Variants in KCNQ1 observed in about 807,000 individuals in gnomAD.
The protein encoded by KCNQ1 is potassium voltage-gated channel subfamily KQT member 1.
Under a neutral mutation model 72.4 loss-of-function variants are expected in KCNQ1, and 49 were observed. That is an observed-to-expected ratio of 0.68 (90% CI 0.54 to 0.86). The LOEUF is 0.86. KCNQ1 is among the 40% of genes least tolerant of loss of function. The probability of loss-of-function intolerance (pLI) is 0.00; values close to 1 mark genes in which losing one functional copy is unlikely to be tolerated. For missense variants in KCNQ1, 790 were observed against 945.1 expected (o/e 0.84, Z 2.15); for synonymous variants, 450 against 412.6 (o/e 1.09, Z -1.10).
At position 2,691,537 on chromosome 11, in the gene KCNQ1, G is replaced by A. The variant is rs1359361288; in HGVS notation, c.1514+29456G>A. 3 of 398,556 alleles carry A rather than the reference G, an allele frequency of 7.5e-6. No homozygotes were observed. 24.7% of individuals were successfully genotyped at this position (398,556 alleles called of 1,614,324 possible). On this transcript the variant is annotated intron_variant, in intron 11 of 15. Transcript: ENST00000155840. This position sits in a 1 kb window ranked among gnomAD's most constrained non-coding sequence, Gnocchi z 6.4. ...CTTGGCTTTGCATTAAAGTTGGGGG[G>A]ATTTCTCTATCCTGAGGTTATGAAA...
Position 2,671,792 on chromosome 11 carries a change from G to A in KCNQ1, c.1514+9711G>A. On this transcript the variant is annotated intron_variant, in intron 11 of 15. Coordinates refer to ENST00000155840, the MANE Select transcript of KCNQ1 (RefSeq NM_000218.3). The surrounding 1 kb of genome is among the most constrained non-coding windows in gnomAD (Gnocchi z 4.7). ...ACATAATCATTCTGACCCAGTCAGGGTTCTTCCCCCAAATAAATCCCTGCA... is the reference window on the plus strand; with the variant it reads ...ACATAATCATTCTGACCCAGTCAGGATTCTTCCCCCAAATAAATCCCTGCA... 2.5e-6 allele frequency: 1 copy of A among 398,702 alleles called. No individual in the cohort carries two copies. Among genetic ancestry groups the A allele is most frequent in the Non-Finnish European group, 4.4e-6 (1 of 226,124 alleles). The allele number at this position is 398,702 out of a possible 1,614,324, so 24.7% of individuals were successfully genotyped here. A position where few individuals can be genotyped will look rare whatever the true frequency, so the allele number is the denominator to read the frequency against.
In KCNQ1 at chr11:2,674,575, G is replaced by T. The variant is rs1382454299; in HGVS notation, c.1514+12494G>T. 1 of 398,514 alleles carries T rather than the reference G, an allele frequency of 2.5e-6. No homozygotes were observed. The highest frequency in any genetic ancestry group is 2.1e-5 in the African/African-American group (1 of 48,620). The allele number at this position is 398,514 out of a possible 1,614,324, so 24.7% of individuals were successfully genotyped here. A position where few individuals can be genotyped will look rare whatever the true frequency, so the allele number is the denominator to read the frequency against. On this transcript the variant is annotated intron_variant, in intron 11 of 15. Transcript: ENST00000155840. This position sits in a 1 kb window ranked among gnomAD's most constrained non-coding sequence, Gnocchi z 5.9. ...CCTCGAGTGAGTGAATCTGAAGCAT[G>T]CTAGTTGTGTTGCCTTTTAAATAGG...
At position 2,587,664 on chromosome 11, in the gene KCNQ1, C is replaced by G. The variant is rs1016945188; in HGVS notation, c.1223C>G (p.Pro408Arg). The change falls in exon 9 of 16, where the codon CCC becomes CGC. Residue 408 changes from proline (P) to arginine (R), a missense_variant. This residue lies in a region of KCNQ1 where 178 missense variants were observed against 177.9 expected (regional missense o/e 1.00). Transcript: ENST00000155840. Reference sequence around the variant, plus strand: ...CCCCGGAGCCACACTCTGCTGTCACCCAGCCCCAAACCCAAGAAGTCTGTG... The same window carrying G: ...CCCCGGAGCCACACTCTGCTGTCACGCAGCCCCAAACCCAAGAAGTCTGTG... ...KAPRSHTLLS[P>R]SPKPKKSVVV... 1.2e-6 allele frequency: 2 copies of G among 1,613,910 alleles called. No individual in the cohort carries two copies. Among genetic ancestry groups the G allele is most frequent in the Non-Finnish European group, 1.7e-6 (2 of 1,180,006 alleles).
At position 2,669,333 on chromosome 11, in the gene KCNQ1, C is replaced by T. The variant is rs1338302336; in HGVS notation, c.1514+7252C>T. ...TGCCATGGAAAGCCTCCTCTAGGCG[C>T]AGCAGCCTCTAGATGGGCATGGGAG... is the stretch of plus-strand genomic sequence containing the variant. On this transcript the variant is annotated intron_variant, in intron 11 of 15. Transcript: ENST00000155840. The surrounding 1 kb of genome is among the most constrained non-coding windows in gnomAD (Gnocchi z 5.6). 2.5e-6 allele frequency: 1 copy of T among 398,532 alleles called. No individual in the cohort carries two copies. The highest frequency in any genetic ancestry group is 4.4e-6 in the Non-Finnish European group (1 of 226,082). The allele number at this position is 398,532 out of a possible 1,614,324, so 24.7% of individuals were successfully genotyped here. A position where few individuals can be genotyped will look rare whatever the true frequency, so the allele number is the denominator to read the frequency against.
Position 2,645,273 on chromosome 11 carries a change from G to A in KCNQ1, c.1394-16688G>A, listed in dbSNP as rs185248010. 125 of 398,646 alleles carry A rather than the reference G, an allele frequency of 3.1e-4. No homozygotes were observed. Among genetic ancestry groups the A allele is most frequent in the Non-Finnish European group, 4.6e-4 (104 of 226,230 alleles). The allele number at this position is 398,646 out of a possible 1,614,324, so 24.7% of individuals were successfully genotyped here. A position where few individuals can be genotyped will look rare whatever the true frequency, so the allele number is the denominator to read the frequency against. On this transcript the variant is annotated intron_variant, in intron 10 of 15. Coordinates refer to ENST00000155840, the MANE Select transcript of KCNQ1 (RefSeq NM_000218.3). This position sits in a 1 kb window ranked among gnomAD's most constrained non-coding sequence, Gnocchi z 5.8. ...TGTGGTGGTAATGGTCAGTTGGGTAGGGCAGTCCTCAAGCCCCCAGGAGTG... is the reference window on the plus strand; with the variant it reads ...TGTGGTGGTAATGGTCAGTTGGGTAAGGCAGTCCTCAAGCCCCCAGGAGTG...
In KCNQ1 at chr11:2,526,066, G is replaced by A. The variant is rs1847498971; in HGVS notation, c.387-1862G>A. On this transcript the variant is annotated intron_variant, in intron 1 of 15. Coordinates refer to ENST00000155840, the MANE Select transcript of KCNQ1 (RefSeq NM_000218.3). This position sits in a 1 kb window ranked among gnomAD's most constrained non-coding sequence, Gnocchi z 6.1. ...CCCGCTGGCAGGACCCTCAAGCTGG[G>A]CTTTTAGGCTGGGCAGCAGCAGGTG... is the stretch of plus-strand genomic sequence containing the variant. Among the ~76,000 whole-genome samples the A allele has an allele frequency of 1.3e-5, 2 of 152,226 alleles. No homozygotes were observed. The highest frequency in any genetic ancestry group is 2.9e-5 in the Non-Finnish European group (2 of 68,044).
chr11:2,814,597 T>A (rs765149229), intron 15 of KCNQ1, among the ~76,000 whole-genome samples: 1 of 144,334 alleles, frequency 6.9e-6, no homozygotes, highest in Non-Finnish European at 1.5e-5. Context: ...GATGGATAGG[T>A]GGATGGGTAG....
intron 11 of KCNQ1, chr11:2,699,990 G>A (rs371791788): frequency 5.0e-6 from 2 of 398,294 alleles, no homozygotes; most frequent in Non-Finnish European, 4.4e-6. Flanking sequence ...CGCGGCGACC[G>A]TTCTGCCTGG....
rs949320061 is a variant in KCNQ1, at chr11:2,447,972, C to T, written c.386+2488C>T. On this transcript the variant is annotated intron_variant, in intron 1 of 15. Coordinates refer to ENST00000155840, the MANE Select transcript of KCNQ1 (RefSeq NM_000218.3). This position sits in a 1 kb window ranked among gnomAD's most constrained non-coding sequence, Gnocchi z 7.6. ...GTTCCTTCTGGCCTCCCTGGGCTGG[C>T]CGGGGTGGACACGGCACCTGGGCCA... 2.6e-5 allele frequency among the ~76,000 whole-genome samples: 4 copies of T among 152,180 alleles called. No individual in the cohort carries two copies. The highest frequency in any genetic ancestry group is 6.5e-5 in the Admixed American group (1 of 15,282).
intron 14 of KCNQ1, 107 bp downstream of exon 14, chr11:2,777,139 C>T (rs1846723068): frequency 9.3e-7 from 1 of 1,080,088 alleles, no homozygotes; most frequent in Non-Finnish European, 1.4e-6. Context: ...CATTGCACCT[C>T]CAAAGTGCAT....
In KCNQ1 at chr11:2,673,741, G is replaced by T; in HGVS notation, c.1514+11660G>T. Reference sequence around the variant, plus strand: ...CTTGGAAGGCCCAGACTGGACAGGGGAAGGGGTACAGTCCCTTCTTGCTGG... The same window carrying T: ...CTTGGAAGGCCCAGACTGGACAGGGTAAGGGGTACAGTCCCTTCTTGCTGG... On this transcript the variant is annotated intron_variant, in intron 11 of 15. Coordinates refer to ENST00000155840, the MANE Select transcript of KCNQ1 (RefSeq NM_000218.3). The surrounding 1 kb of genome is among the most constrained non-coding windows in gnomAD (Gnocchi z 4.5). 1 of 398,606 alleles carries T rather than the reference G, an allele frequency of 2.5e-6. No homozygotes were observed. Among genetic ancestry groups the T allele is most frequent in the Non-Finnish European group, 4.4e-6 (1 of 226,152 alleles). 24.7% of individuals were successfully genotyped at this position (398,606 alleles called of 1,614,324 possible).
intron 10 of KCNQ1, chr11:2,646,307 C>G (rs949009905): frequency 5.0e-6 from 2 of 398,342 alleles, no homozygotes; most frequent in African/African-American, 4.1e-5. Flanking sequence ...TAAATATGAT[C>G]ATTTTAACAT....
intron 11 of KCNQ1, among the ~76,000 whole-genome samples, chr11:2,701,098 A>T (rs1005143718): frequency 3.9e-5 from 6 of 152,286 alleles, no homozygotes; most frequent in African/African-American, 1.4e-4. Flanking sequence ...GGAGCCAGCC[A>T]AGCGAGCCAG....
At chr11:2,846,744 A>AGC (rs1381469741) in intron 15 of KCNQ1, among the ~76,000 whole-genome samples, 1 of 152,212 alleles carries the variant, frequency 6.6e-6, no homozygotes, top group Non-Finnish European at 1.5e-5. Context: ...CTCATTCCCC[A>AGC]GCGGTGCTGT....
Position 2,544,254 on chromosome 11 carries a change from ATATATGTGTGTGTG to A in KCNQ1, c.477+16238_477+16251del. On this transcript the variant is annotated intron_variant, in intron 2 of 15. Transcript: ENST00000155840. The surrounding 1 kb of genome is among the most constrained non-coding windows in gnomAD (Gnocchi z 4.4). ...TATATATATGTGTGTGTGTGTATAT[ATATATGTGTGTGTG>A]TGTATATATATGTGTATATATATAT... Among the ~76,000 whole-genome samples the A allele has an allele frequency of 7.6e-6, 1 of 131,820 alleles. No homozygotes were observed. The highest frequency in any genetic ancestry group is 3.5e-5 in the African/African-American group (1 of 28,826). 86.5% of individuals were successfully genotyped at this position (131,820 alleles called of 152,430 possible).
chr11:2,530,097 G>C (rs961343418), intron 2 of KCNQ1, among the ~76,000 whole-genome samples: 10 of 152,148 alleles, frequency 6.6e-5, no homozygotes, highest in African/African-American at 2.2e-4. Context: ...GGGTGTGTGT[G>C]TCATCTTGTG....
intron 10 of KCNQ1, chr11:2,638,293 G>A (rs553575240): frequency 4.8e-4 from 73 of 152,342 alleles, no homozygotes; most frequent in African/African-American, 1.7e-3. Flanking sequence ...AATTTGTCAT[G>A]TTTTTGCAGT....
intron 2 of KCNQ1, among the ~76,000 whole-genome samples, chr11:2,529,575 A>G (rs986993165): frequency 4.6e-5 from 7 of 152,182 alleles, no homozygotes; most frequent in Non-Finnish European, 8.8e-5. Flanking sequence ...TATTGTTGCC[A>G]TCACATAGGG....
Position 2,563,537 on chromosome 11 carries a change from T to C in KCNQ1, c.478-7091T>C, listed in dbSNP as rs1293853434. Among the ~76,000 whole-genome samples the C allele has an allele frequency of 6.6e-6, 1 of 152,236 alleles. No individual in the cohort carries two copies. Among genetic ancestry groups the C allele is most frequent in the Non-Finnish European group, 1.5e-5 (1 of 68,048 alleles). The stretch of plus-strand genomic sequence containing the variant: ...GAGCTTCCATTTTCCTTCCGCACCA[T>C]GCACTGATTTCCCCTGGGTTGAGGT... On this transcript the variant is annotated intron_variant, in intron 2 of 15. Coordinates refer to ENST00000155840, the MANE Select transcript of KCNQ1 (RefSeq NM_000218.3). This position sits in a 1 kb window ranked among gnomAD's most constrained non-coding sequence, Gnocchi z 7.4.
Sources: allele counts gnomAD v4.1 joint callset (sites outside exome capture counted in the v4.1 genomes callset), GRCh38; gene constraint gnomAD v4.1.1; regional missense constraint gnomAD v4.1.1; non-coding constraint Gnocchi (gnomAD v3.1); transcripts MANE v1.5; gene names NCBI Gene and HGNC (gene_info 2026-07-23, HGNC 2026-07-21).